The following SDK1 variants were observed in gnomAD, a reference collection of about 807,000 sequenced individuals.
SDK1 encodes the protein protein sidekick-1.
SDK1 carries 157 observed loss-of-function variants against 245.5 expected under a neutral mutation model. The ratio of observed to expected loss-of-function variants is 0.64; its 90% CI spans 0.56 to 0.73. The LOEUF (loss-of-function observed/expected upper bound fraction) is 0.73. Among genes scored for constraint, SDK1 ranks in the 30% least tolerant of loss-of-function variants. The pLI, the probability that SDK1 is intolerant of heterozygous loss-of-function variation, is 0.00. For synonymous variants in SDK1, 1,647 were observed against 1,278.5 expected, an observed-to-expected ratio of 1.29 and a Z score of -6.15; for missense variants, 3,583 against 3,002.3, an observed-to-expected ratio of 1.19 and a Z score of -4.52.
At chr7:3,861,343 T>G (rs891940876) in intron 5 of SDK1, among the ~76,000 whole-genome samples, 1 of 152,204 alleles carries the variant, frequency 6.6e-6, no homozygotes, top group African/African-American at 2.4e-5. Flanking sequence ...TTAAGCAAAA[T>G]TCGCTTGTAG....
intron 4 of SDK1, among the ~76,000 whole-genome samples, chr7:3,682,722 G>GT (rs67113946): frequency 3.9e-4 from 58 of 149,280 alleles, no homozygotes; most frequent in Non-Finnish European, 5.3e-4. Flanking sequence ...TGGATTTACA[G>GT]TTTTTTTTTT....
intron 17 of SDK1, 47 bp downstream of exon 17, chr7:4,017,399 A>C: frequency 6.5e-7 from 1 of 1,543,814 alleles, no homozygotes; most frequent in Non-Finnish European, 8.8e-7. Flanking sequence ...TTTGCCGGGG[A>C]ATGGGATTTG....
At position 3,632,816 on chromosome 7, in the gene SDK1, T is replaced by C. The variant is rs561129154; in HGVS notation, c.459-6188T>C. ...CAAAGTCACATATATATCTCTCTCTTAACAAATTTCAGTTTGAATTGTCCT... is the reference window on the plus strand; with the variant it reads ...CAAAGTCACATATATATCTCTCTCTCAACAAATTTCAGTTTGAATTGTCCT... On this transcript the variant is annotated intron_variant, in intron 2 of 44. Transcript: ENST00000404826. 4.5e-4 allele frequency among the ~76,000 whole-genome samples: 69 copies of C among 152,322 alleles called. 1 individual carries two copies. The South Asian group carries it at 0.014, about 31-fold the overall frequency.
chr7:4,254,630 CTT>C (rs745611023), intron 44 of SDK1, among the ~76,000 whole-genome samples: 4 of 132,706 alleles, frequency 3.0e-5, no homozygotes, highest in South Asian at 2.4e-4. Context: ...AAGCTACCTT[CTT>C]TTTTTTTTTT....
At chr7:3,615,977 T>C (rs910748284) in intron 1 of SDK1, among the ~76,000 whole-genome samples, 3 of 151,970 alleles carry the variant, frequency 2.0e-5, no homozygotes, top group Non-Finnish European at 4.4e-5. Context: ...CTTGACTTCC[T>C]TGGGTCAAGT....
chr7:3,683,392 CAG>C (rs1784169568), intron 4 of SDK1, among the ~76,000 whole-genome samples: 1 of 152,070 alleles, frequency 6.6e-6, no homozygotes, highest in South Asian at 2.1e-4. Context: ...AGGAAGCAGA[CAG>C]GGAGATTTTT....
intron 21 of SDK1, among the ~76,000 whole-genome samples, chr7:4,079,074 C>T (rs117068663): frequency 0.022 from 3,369 of 152,314 alleles, 59 homozygotes; most frequent in Admixed American, 0.051. Flanking sequence ...AAAGGAAGTA[C>T]GGCCCGCTCG....
At position 4,233,312 on chromosome 7, in the gene SDK1, C is replaced by A; in HGVS notation, c.5885C>A (p.Thr1962Asn). The A allele has an allele frequency of 6.2e-7, 1 of 1,613,988 alleles. No homozygotes were observed. Among genetic ancestry groups the A allele is most frequent in the Non-Finnish European group, 8.5e-7 (1 of 1,180,024 alleles). ...ATCCCGCGGAGCGCCACATCCTACA[C>A]CCTCAGCCTGGATAAGCTCCGGCAA... Reference protein sequence around the residue: ...KDIPRSATSYTLSLDKLRQGV... With the variant: ...KDIPRSATSYNLSLDKLRQGV... The change falls in exon 41 of 45, where the codon ACC becomes AAC. Residue 1962 changes from threonine to asparagine, a missense_variant. By Grantham distance (65) the Thr-to-Asn change is moderately conservative. Coordinates refer to ENST00000404826, the MANE Select transcript of SDK1 (RefSeq NM_152744.4).
chr7:3,748,519 G>A (rs1452851737), intron 4 of SDK1, among the ~76,000 whole-genome samples: 1 of 152,140 alleles, frequency 6.6e-6, no homozygotes, highest in African/African-American at 2.4e-5. Flanking sequence ...CACTGTGTAT[G>A]TTTCCATTAA....
At chr7:3,712,104 C>T (rs1785066820) in intron 4 of SDK1, among the ~76,000 whole-genome samples, 2 of 152,080 alleles carry the variant, frequency 1.3e-5, no homozygotes, top group African/African-American at 4.8e-5. Context: ...GGAACCAGGC[C>T]AGTCCATGGC....
intron 44 of SDK1, among the ~76,000 whole-genome samples, chr7:4,247,868 A>C (rs1786997991): frequency 6.6e-6 from 1 of 152,142 alleles, no homozygotes; most frequent in Non-Finnish European, 1.5e-5. Flanking sequence ...TCCAGAGCTC[A>C]GTGTACCCCT....
intron 17 of SDK1, among the ~76,000 whole-genome samples, chr7:4,023,623 G>A (rs1363455052): frequency 5.3e-5 from 8 of 152,112 alleles, no homozygotes; most frequent in Non-Finnish European, 8.8e-5. Context: ...GTGTATAACC[G>A]AGTGCCCAGT....
chr7:3,537,291 A>G (rs993221092), intron 1 of SDK1, among the ~76,000 whole-genome samples: 2 of 152,324 alleles, frequency 1.3e-5, no homozygotes, highest in Non-Finnish European at 1.5e-5. Flanking sequence ...CTGTCTTAAA[A>G]TACCCATTGT....
chr7:4,031,366 T>C (rs914872526), intron 17 of SDK1, among the ~76,000 whole-genome samples: 1 of 152,318 alleles, frequency 6.6e-6, no homozygotes, highest in East Asian at 1.9e-4. Flanking sequence ...ATCACAGAAT[T>C]TTTAGGGAGG....
chr7:3,974,145 C>G (rs1395623674), intron 12 of SDK1, among the ~76,000 whole-genome samples: 2 of 139,424 alleles, frequency 1.4e-5, no homozygotes, highest in African/African-American at 2.8e-5. Context: ...GATCATGCCA[C>G]TGCACTCCAG....
chr7:3,302,686 G>A (rs909010420), intron 1 of SDK1, among the ~76,000 whole-genome samples: 1 of 151,262 alleles, frequency 6.6e-6, no homozygotes, highest in Non-Finnish European at 1.5e-5. Context: ...AAGTTTGCTG[G>A]TCTTTAAACC....
rs74836496 is a variant in SDK1 at position 3,695,929 on chromosome 7, G to T, written c.713+53824G>T. 6.6e-5 allele frequency among the ~76,000 whole-genome samples: 10 copies of T among 152,196 alleles called. No homozygotes were observed. The East Asian group carries it at 1.9e-3, about 29-fold the overall frequency. ...AGCAATTTTACTTTTCACTTATTTC[G>T]GGTTTTGCAGCATTTGGAGTTGCTG... On this transcript the variant is annotated intron_variant, in intron 4 of 44. Coordinates refer to ENST00000404826, the MANE Select transcript of SDK1 (RefSeq NM_152744.4).
At chr7:3,516,919 G>T (rs1027406627) in intron 1 of SDK1, among the ~76,000 whole-genome samples, 1 of 152,110 alleles carries the variant, frequency 6.6e-6, no homozygotes, top group Non-Finnish European at 1.5e-5. Flanking sequence ...GTGCCATGTT[G>T]GGTCAGATCT....
Position 3,512,012 on chromosome 7 carries a change from A to G in SDK1, c.299-107068A>G, listed in dbSNP as rs568840333. Among the ~76,000 whole-genome samples the G allele has an allele frequency of 4.1e-4, 62 of 151,490 alleles. 1 individual carries two copies. In the South Asian group the frequency reaches 0.013, roughly 31 times the overall value. On this transcript the variant is annotated intron_variant, in intron 1 of 44. Coordinates refer to ENST00000404826, the MANE Select transcript of SDK1 (RefSeq NM_152744.4). ...CTTTACATTAGAATTCACTCTTGAT[A>G]TTGTACATTCTCTGGGTGTGGGTGA...
Sources: allele counts gnomAD v4.1 joint callset (sites outside exome capture counted in the v4.1 genomes callset), GRCh38; gene constraint gnomAD v4.1.1; transcripts MANE v1.5; gene names NCBI Gene and HGNC (gene_info 2026-07-23, HGNC 2026-07-21).